The following MT1F variants were observed in gnomAD, a reference collection of about 807,000 sequenced individuals.
The protein encoded by MT1F is metallothionein 1F.
In MT1F, 6 loss-of-function variants were observed where a neutral mutation model predicts 5.4. The observed-to-expected ratio is 1.11, with a 90% CI of 0.61 to 2.19. The LOEUF is 2.19. Among genes scored for constraint, MT1F ranks in the 30% most tolerant of loss-of-function variants. The probability of loss-of-function intolerance (pLI) is 0.00; values close to 1 mark genes in which losing one functional copy is unlikely to be tolerated. For synonymous variants in MT1F, 28 were observed against 28.3 expected, an observed-to-expected ratio of 0.99 and a Z score of 0.04; for missense variants, 82 against 77.0, an observed-to-expected ratio of 1.07 and a Z score of -0.24.
At position 56,658,581 on chromosome 16, in the gene MT1F, C is replaced by A. The variant is rs182125046; in HGVS notation, c.29-94C>A. On this transcript the variant is annotated intron_variant, in intron 1 of 2. Coordinates refer to ENST00000334350, the MANE Select transcript of MT1F (RefSeq NM_005949.4). The stretch of plus-strand genomic sequence containing the variant: ...AAAGGAGCTCTGAGGGCTGGCCCCG[C>A]ACAGAGGAGGGGGCAATGGAGACTC... 3 of 1,283,622 alleles carry A rather than the reference C, an allele frequency of 2.3e-6. No homozygotes were observed. The African/African-American group carries it at 4.4e-5, about 19-fold the overall frequency. 79.5% of individuals were successfully genotyped at this position (1,283,622 alleles called of 1,614,324 possible).
intron 1 of MT1F, 147 bp downstream of exon 1, chr16:56,658,233 C>A: frequency 1.1e-6 from 1 of 877,720 alleles, no homozygotes; most frequent in Non-Finnish European, 1.8e-6. Flanking sequence ...GGCCAAGATC[C>A]TGAGAGCATT....
chr16:56,658,067 C>G lies in MT1F; in HGVS notation c.9C>G (p.Pro3=), dbSNP rs1379362261. The change falls in exon 1 of 3, where the codon CCC becomes CCG. Residue 3 remains proline, a synonymous_variant. Coordinates refer to ENST00000334350, the MANE Select transcript of MT1F (RefSeq NM_005949.4). MD[P]NCSCAAGVSC... ...TCTCTCCTCGGCTTGCAATGGACCC[C>G]AACTGCTCCTGCGCCGCTGGTAAGG... The G allele has an allele frequency of 6.2e-7, 1 of 1,614,044 alleles. No homozygotes were observed. The highest frequency in any genetic ancestry group is 2.2e-5 in the East Asian group (1 of 44,888).
intron 1 of MT1F, 189 bp from the exon 2 acceptor site, chr16:56,658,486 A>C: frequency 1.6e-6 from 1 of 638,792 alleles, no homozygotes; most frequent in Non-Finnish European, 2.7e-6. Flanking sequence ...GAGTGCAAAC[A>C]GGAGGCTGCT....
intron 1 of MT1F, 180 bp from the exon 2 acceptor site, chr16:56,658,495 C>T (rs1597076297): frequency 1.5e-6 from 1 of 659,070 alleles, no homozygotes; most frequent in East Asian, 2.7e-5. Context: ...CAGGAGGCTG[C>T]TTGGCCTTCC....
intron 1 of MT1F, 172 bp from the exon 2 acceptor site, chr16:56,658,503 T>C (rs1318763653): frequency 1.5e-6 from 1 of 683,672 alleles, no homozygotes; most frequent in Non-Finnish European, 2.5e-6. Flanking sequence ...TGCTTGGCCT[T>C]CCCAGCATGA....
chr16:56,658,605 T>A (rs930644760), intron 1 of MT1F, 70 bp from the exon 2 acceptor site: 27 of 1,510,220 alleles, frequency 1.8e-5, no homozygotes, highest in Non-Finnish European at 2.5e-5. Flanking sequence ...CAATGGAGAC[T>A]CATTAACTCA....
chr16:56,658,550 A>T, intron 1 of MT1F, 125 bp from the exon 2 acceptor site: 1 of 948,704 alleles, frequency 1.1e-6, no homozygotes, highest in Non-Finnish European at 1.6e-6. Flanking sequence ...CTCTGCTCTG[A>T]GTGGGAAAGG....
Position 56,658,068 on chromosome 16 carries a change from A to G in MT1F, c.10A>G (p.Asn4Asp). The stretch of plus-strand genomic sequence containing the variant: ...CTCTCCTCGGCTTGCAATGGACCCC[A>G]ACTGCTCCTGCGCCGCTGGTAAGGA... MDP[N>D]CSCAAGVSCT... Residue 4 changes from asparagine (N) to aspartate (D), a missense_variant, in exon 1 of 3, where the codon AAC becomes GAC. Physicochemically the swap from Asn to Asp is conservative, Grantham distance 23. Transcript: ENST00000334350. 5.0e-6 allele frequency: 8 copies of G among 1,614,108 alleles called. No homozygotes were observed. Among genetic ancestry groups the G allele is most frequent in the Non-Finnish European group, 6.8e-6 (8 of 1,179,978 alleles).
chr16:56,658,107 T>C, intron 1 of MT1F, 21 bp downstream of exon 1: 1 of 1,613,954 alleles, frequency 6.2e-7, no homozygotes, highest in Non-Finnish European at 8.5e-7. Flanking sequence ...CCGGGTTCCG[T>C]GCCTGGGGAT....
rs1960663244 is a variant in MT1F at position 56,659,252 on chromosome 16, C to T, written c.*88C>T. Reference sequence around the variant, plus strand: ...TTATACCACCTTGACCCATTTGCTACATTCCTTTTCCTGTGAAATATGTGA... The same window carrying T: ...TTATACCACCTTGACCCATTTGCTATATTCCTTTTCCTGTGAAATATGTGA... On this transcript the variant is annotated 3_prime_UTR_variant, in exon 3 of 3. Transcript: ENST00000334350. 7.9e-7 allele frequency: 1 copy of T among 1,263,734 alleles called. No homozygotes were observed. The highest frequency in any genetic ancestry group is 2.0e-5 in the Admixed American group (1 of 51,222). The allele number at this position is 1,263,734 out of a possible 1,614,324, so 78.3% of individuals were successfully genotyped here. A position where few individuals can be genotyped will look rare whatever the true frequency, so the allele number is the denominator to read the frequency against.
At chr16:56,658,910 T>A in intron 2 of MT1F, 163 bp from the exon 3 acceptor site, 1 of 1,068,784 alleles carries the variant, frequency 9.4e-7, no homozygotes, top group Non-Finnish European at 1.4e-6. Context: ...AGCTTTCTCA[T>A]AGGAAGACCC....
chr16:56,659,191 T>G lies in MT1F; in HGVS notation c.*27T>G, dbSNP rs372453327. 202 of 1,611,524 alleles carry G rather than the reference T, an allele frequency of 1.3e-4. No individual in the cohort carries two copies. Among genetic ancestry groups the G allele is most frequent in the Non-Finnish European group, 1.5e-4 (178 of 1,178,180 alleles). ...GCCAGGACAACCTTTCTCCCAGATG[T>G]AAACAGAGAGACATGTACAAACCTG... On this transcript the variant is annotated 3_prime_UTR_variant, in exon 3 of 3. Transcript: ENST00000334350.
rs771448864 is a variant in MT1F at position 56,659,130 on chromosome 16, A to G, written c.152A>G (p.Lys51Arg). ...AAGTGTGCCCAGGGCTGTGTTTGCA[A>G]AGGGGCGTCAGAGAAGTGCAGCTGC... ...CSKCAQGCVC[K>R]GASEKCSCCD Residue 51 changes from lysine to arginine, a missense_variant, in exon 3 of 3, where the codon AAA becomes AGA. Physicochemically the swap from Lys to Arg is conservative, Grantham distance 26 (BLOSUM62 2). Transcript: ENST00000334350. The G allele has an allele frequency of 1.2e-6, 2 of 1,614,102 alleles. No individual in the cohort carries two copies. The highest frequency in any genetic ancestry group is 3.3e-5 in the Admixed American group (2 of 60,024).
rs759145304 is a variant in MT1F, at chr16:56,658,670, C to T, written c.29-5C>T. ...CTCACTGGCTTTTTTTTCTCTTTCTCGCAGGTGTCTCCTGCACCTGCGCTG... is the reference window on the plus strand; with the variant it reads ...CTCACTGGCTTTTTTTTCTCTTTCTTGCAGGTGTCTCCTGCACCTGCGCTG... On this transcript the variant is annotated splice_region_variant and splice_polypyrimidine_tract_variant and intron_variant, in intron 1 of 2. Transcript: ENST00000334350. The T allele has an allele frequency of 4.3e-6, 7 of 1,613,974 alleles. No individual in the cohort carries two copies. The South Asian group carries it at 4.4e-5, about 10-fold the overall frequency.
chr16:56,658,756 T>G lies in MT1F; in HGVS notation c.94+16T>G. On this transcript the variant is annotated intron_variant, in intron 2 of 2. Transcript: ENST00000334350. ...TGCAAGAAGAGTGAGTGTGAGGCCA[T>G]CTCCATGGTCTGGGGCTGTGGCTAA... 1 of 1,614,144 alleles carries G rather than the reference T, an allele frequency of 6.2e-7. No individual in the cohort carries two copies. Among genetic ancestry groups the G allele is most frequent in the Non-Finnish European group, 8.5e-7 (1 of 1,179,994 alleles).
chr16:56,658,207 C>T, intron 1 of MT1F, 121 bp downstream of exon 1: 2 of 1,100,072 alleles, frequency 1.8e-6, no homozygotes, highest in East Asian at 2.4e-5. Flanking sequence ...TTGACTTAGT[C>T]CAGTGCTTTC....
chr16:56,658,410 G>C (rs990945879), intron 1 of MT1F: 10 of 594,156 alleles, frequency 1.7e-5, no homozygotes, highest in South Asian at 6.2e-5. Context: ...CCTCTTCGGG[G>C]TTCAGGACAG....
chr16:56,658,576 C>T (rs1960649660), intron 1 of MT1F, 99 bp from the exon 2 acceptor site: 4 of 1,237,272 alleles, frequency 3.2e-6, no homozygotes, highest in South Asian at 2.6e-5. Context: ...TGAGGGCTGG[C>T]CCCGCACAGA....
Position 56,658,671 on chromosome 16 carries a change from G to A in MT1F, c.29-4G>A, listed in dbSNP as rs1035214200. ...TCACTGGCTTTTTTTTCTCTTTCTC[G>A]CAGGTGTCTCCTGCACCTGCGCTGG... On this transcript the variant is annotated splice_region_variant and splice_polypyrimidine_tract_variant and intron_variant, in intron 1 of 2. Transcript: ENST00000334350. The A allele has an allele frequency of 3.7e-6, 6 of 1,613,626 alleles. No individual in the cohort carries two copies. The highest frequency in any genetic ancestry group is 3.3e-5 in the Admixed American group (2 of 59,886).
Sources: gnomAD v4.1 joint callset for allele counts on GRCh38, gnomAD v4.1.1 for gene constraint, MANE v1.5 for transcripts, NCBI Gene and HGNC (gene_info 2026-07-23, HGNC 2026-07-21) for gene names.